Variants in FGGY observed in about 807,000 individuals in gnomAD.
The protein encoded by FGGY is FGGY carbohydrate kinase domain containing.
In FGGY, 72 loss-of-function variants were observed where a neutral mutation model predicts 71.3. The observed-to-expected ratio is 1.01, with a 90% confidence interval of 0.84 to 1.23. The LOEUF (loss-of-function observed/expected upper bound fraction) is 1.23, where lower values mean the gene tolerates loss of function less well. Among genes scored for constraint, FGGY ranks in the 50% most tolerant of loss-of-function variants. The pLI, the probability that FGGY is intolerant of heterozygous loss-of-function variation, is 0.00. For missense variants in FGGY, 668 were observed against 682.3 expected (o/e 0.98, Z 0.23); for synonymous variants, 251 against 250.3 (o/e 1.00, Z -0.02).
intron 8 of FGGY, among the ~76,000 whole-genome samples, chr1:59,580,991 A>G (rs1371920373): frequency 6.6e-6 from 1 of 152,184 alleles, no homozygotes; most frequent in Non-Finnish European, 1.5e-5. Context: ...GGTGGCCAGT[A>G]AGGAGTTTGA....
At chr1:59,752,278 C>A (rs1008993118) in intron 14 of FGGY, among the ~76,000 whole-genome samples, 1 of 152,218 alleles carries the variant, frequency 6.6e-6, no homozygotes, top group Non-Finnish European at 1.5e-5. Flanking sequence ...CAAACACTAA[C>A]CAAGCACCTG....
At chr1:59,597,930 G>A (rs2096539835) in intron 8 of FGGY, among the ~76,000 whole-genome samples, 1 of 152,174 alleles carries the variant, frequency 6.6e-6, no homozygotes, top group African/African-American at 2.4e-5. Context: ...AGAAGATATG[G>A]TTCTGACTCA....
chr1:59,717,812 C>T (rs1234708704), intron 14 of FGGY, among the ~76,000 whole-genome samples: 1 of 152,192 alleles, frequency 6.6e-6, no homozygotes, highest in African/African-American at 2.4e-5. Context: ...TGTGTCTTCC[C>T]ATCAATAGCA....
At chr1:59,481,359 C>T (rs1012275080) in intron 6 of FGGY, among the ~76,000 whole-genome samples, 1 of 152,072 alleles carries the variant, frequency 6.6e-6, no homozygotes, top group Non-Finnish European at 1.5e-5. Context: ...ATAATTAGAA[C>T]CATTAATTTG....
At chr1:59,438,475 T>G (rs746963661) in intron 5 of FGGY, among the ~76,000 whole-genome samples, 12 of 152,218 alleles carry the variant, frequency 7.9e-5, no homozygotes, top group Non-Finnish European at 1.5e-4. Flanking sequence ...TTGCTGTTCC[T>G]CTCCTTGTGC....
At chr1:59,537,599 C>G (rs1326363683) in intron 7 of FGGY, among the ~76,000 whole-genome samples, 1 of 152,220 alleles carries the variant, frequency 6.6e-6, no homozygotes, top group Non-Finnish European at 1.5e-5. Context: ...TCAAGCTATA[C>G]TACAAGGGTA....
chr1:59,575,112 G>A (rs189019622), intron 8 of FGGY, among the ~76,000 whole-genome samples: 3 of 152,024 alleles, frequency 2.0e-5, no homozygotes, highest in African/African-American at 7.2e-5. Context: ...CTTTTTTGTG[G>A]TGAGAACATT....
chr1:59,510,349 A>G (rs1316695894), intron 6 of FGGY, among the ~76,000 whole-genome samples: 2 of 152,168 alleles, frequency 1.3e-5, no homozygotes, highest in African/African-American at 4.8e-5. Context: ...AATGCATGCT[A>G]TGTCCTTAGT....
chr1:59,299,487 A>G (rs544835676), intron 1 of FGGY, among the ~76,000 whole-genome samples: 31 of 152,364 alleles, frequency 2.0e-4, no homozygotes, highest in African/African-American at 7.5e-4. Context: ...TTGTAGTAAT[A>G]TAGGTGAGAG....
chr1:59,584,269 A>C lies in FGGY; in HGVS notation c.904-23534A>C, dbSNP rs559024284. 9.3e-5 allele frequency among the ~76,000 whole-genome samples: 14 copies of C among 150,038 alleles called. 1 individual carries two copies. The highest frequency in any genetic ancestry group is 3.3e-4 in the African/African-American group (13 of 39,744). On this transcript the variant is annotated intron_variant, in intron 8 of 15. Coordinates refer to ENST00000303721, the MANE Select transcript of FGGY (RefSeq NM_018291.5). ...GATGAACATCGATGCAAAAATCCTCAATAAAATACTGGCAAACCGAATTCA... is the reference window on the plus strand; with the variant it reads ...GATGAACATCGATGCAAAAATCCTCCATAAAATACTGGCAAACCGAATTCA...
intron 4 of FGGY, among the ~76,000 whole-genome samples, chr1:59,358,689 A>G (rs912051476): frequency 3.9e-5 from 6 of 152,194 alleles, no homozygotes; most frequent in Non-Finnish European, 7.3e-5. Context: ...AGATTGTTAC[A>G]CTTGGGAAGG....
At chr1:59,627,489 T>TATATACAC (rs1469493501) in intron 10 of FGGY, among the ~76,000 whole-genome samples, 151 of 92,744 alleles carry the variant, frequency 1.6e-3, no homozygotes, top group Non-Finnish European at 1.8e-3. Context: ...TATATATATA[T>TATATACAC]ACACACACAC....
At chr1:59,473,048 A>C (rs1262183843) in intron 6 of FGGY, among the ~76,000 whole-genome samples, 1 of 152,174 alleles carries the variant, frequency 6.6e-6, no homozygotes, top group East Asian at 1.9e-4. Context: ...AGATAAGAGA[A>C]TAAAAGTAGG....
intron 6 of FGGY, among the ~76,000 whole-genome samples, chr1:59,464,498 C>G (rs1453527643): frequency 6.6e-6 from 1 of 151,966 alleles, no homozygotes; most frequent in Admixed American, 6.6e-5. Flanking sequence ...TAGCAGAAGG[C>G]AAGAAATAAC....
At chr1:59,688,688 C>T (rs903196402) in intron 14 of FGGY, among the ~76,000 whole-genome samples, 11 of 152,100 alleles carry the variant, frequency 7.2e-5, no homozygotes, top group African/African-American at 2.2e-4. Flanking sequence ...AGCATATGCT[C>T]TTTCCACTTG....
chr1:59,373,638 G>A (rs200534277), intron 4 of FGGY, among the ~76,000 whole-genome samples: 3,016 of 152,074 alleles, frequency 0.02, 89 homozygotes, highest in East Asian at 0.076. Flanking sequence ...GAGGCATCAC[G>A]CTACCTGACT....
chr1:59,701,496 C>T (rs1423671825), intron 14 of FGGY, among the ~76,000 whole-genome samples: 2 of 152,168 alleles, frequency 1.3e-5, no homozygotes, highest in Non-Finnish European at 2.9e-5. Context: ...CCATCTATCT[C>T]TGCTTGGATA....
intron 1 of FGGY, among the ~76,000 whole-genome samples, chr1:59,299,471 A>C (rs531087910): frequency 6.6e-6 from 1 of 152,310 alleles, no homozygotes; most frequent in Non-Finnish European, 1.5e-5. Flanking sequence ...GCCCGGAGAG[A>C]GGTAATTGTA....
chr1:59,641,441 T>G (rs555600827), intron 11 of FGGY: 1 of 1,081,554 alleles, frequency 9.2e-7, no homozygotes, highest in African/African-American at 1.6e-5. Context: ...TAAACCCAGG[T>G]AATACAAAGA....
Sources: allele counts gnomAD v4.1 joint callset (sites outside exome capture counted in the v4.1 genomes callset), GRCh38; gene constraint gnomAD v4.1.1; transcripts MANE v1.5; gene names NCBI Gene and HGNC (gene_info 2026-07-23, HGNC 2026-07-21).